ABLIM2: variants seen among roughly 807,000 people sequenced by gnomAD.
ABLIM2 encodes actin-binding LIM protein 2.
ABLIM2 carries 53 observed loss-of-function variants against 97.7 expected under a neutral mutation model. The ratio of observed to expected loss-of-function variants is 0.54; its 90% confidence interval spans 0.44 to 0.68. The LOEUF is 0.68. ABLIM2 is among the 30% of genes least tolerant of loss of function. ABLIM2 has a pLI of 0.00. For synonymous variants in ABLIM2, 361 were observed against 345.8 expected (o/e 1.04, Z -0.49); for missense variants, 835 against 867.2 (o/e 0.96, Z 0.47).
intron 5 of ABLIM2, among the ~76,000 whole-genome samples, chr4:8,078,288 G>A (rs899201209): frequency 2.0e-5 from 3 of 152,210 alleles, no homozygotes; most frequent in African/African-American, 2.4e-5. Flanking sequence ...CTGGCCTTCC[G>A]CAGTGCAGGA....
intron 20 of ABLIM2, among the ~76,000 whole-genome samples, chr4:7,975,298 A>G (rs1732068059): frequency 6.6e-6 from 1 of 152,140 alleles, no homozygotes; most frequent in African/African-American, 2.4e-5. Context: ...CTTAGTTTGA[A>G]CCTCAGCTCT....
chr4:8,080,727 C>A lies in ABLIM2; in HGVS notation c.530G>T (p.Cys177Phe). Residue 177 changes from cysteine (C) to phenylalanine (F), a missense_variant, in exon 5 of 21, where the codon TGT becomes TTT. Cys to Phe is a radical substitution (Grantham distance 205, BLOSUM62 -2). Coordinates refer to ENST00000447017, the MANE Select transcript of ABLIM2 (RefSeq NM_001130083.2). ...CTTCCCACAGCTCTTGCACTTAAAA[C>A]AGCCCAAGTGCCAGTGCTTGTCCAA... Reference protein sequence around the residue: ...VALDKHWHLGCFKCKSCGKLL... With the variant: ...VALDKHWHLGFFKCKSCGKLL... 4 of 1,612,882 alleles carry A rather than the reference C, an allele frequency of 2.5e-6. No homozygotes were observed. The highest frequency in any genetic ancestry group is 3.4e-6 in the Non-Finnish European group (4 of 1,179,058).
intron 1 of ABLIM2, among the ~76,000 whole-genome samples, chr4:8,135,671 G>A (rs116320998): frequency 3.2e-3 from 483 of 152,320 alleles, no homozygotes; most frequent in East Asian, 0.014. Context: ...ATAAGCCGCC[G>A]GGCTGTGATA....
chr4:8,040,193 G>A (rs926128503), intron 9 of ABLIM2, among the ~76,000 whole-genome samples: 1 of 152,168 alleles, frequency 6.6e-6, no homozygotes, highest in African/African-American at 2.4e-5. Flanking sequence ...GTGGGCAGCT[G>A]CAACCTGCAA....
At chr4:7,968,053 C>G (rs187106639) in intron 20 of ABLIM2, among the ~76,000 whole-genome samples, 1 of 152,238 alleles carries the variant, frequency 6.6e-6, no homozygotes, top group Non-Finnish European at 1.5e-5. Context: ...CTGGCTCAGG[C>G]GTCCCCTCCC....
chr4:8,006,774 C>T (rs545687088), intron 16 of ABLIM2, among the ~76,000 whole-genome samples: 2 of 152,328 alleles, frequency 1.3e-5, no homozygotes, highest in East Asian at 3.9e-4. Flanking sequence ...CGTGGACCAG[C>T]CCCATAGCCC....
At chr4:8,144,434 G>A (rs936731012) in intron 1 of ABLIM2, among the ~76,000 whole-genome samples, 4 of 152,212 alleles carry the variant, frequency 2.6e-5, no homozygotes, top group East Asian at 1.9e-4. Flanking sequence ...AAGGCAAGGC[G>A]TGGAGGAGAA....
chr4:8,144,898 C>T (rs1013885163), intron 1 of ABLIM2, among the ~76,000 whole-genome samples: 20 of 152,226 alleles, frequency 1.3e-4, no homozygotes, highest in African/African-American at 4.8e-4. Context: ...ACTCTTTGTT[C>T]CCTATTGGCC....
intron 1 of ABLIM2, among the ~76,000 whole-genome samples, chr4:8,136,133 T>C (rs1292838647): frequency 6.6e-6 from 1 of 151,898 alleles, no homozygotes; most frequent in Non-Finnish European, 1.5e-5. Context: ...TAAGAAGAAA[T>C]AAAATCCCGA....
chr4:8,154,414 G>T (rs1430226307), intron 1 of ABLIM2, among the ~76,000 whole-genome samples: 1 of 149,486 alleles, frequency 6.7e-6, no homozygotes, highest in East Asian at 2.0e-4. Flanking sequence ...CCTGAGTAGT[G>T]GGGATTACAG....
chr4:7,970,683 TG>T lies in ABLIM2; in HGVS notation c.1825-3581del, dbSNP rs1199461817. Among the ~76,000 whole-genome samples the T allele has an allele frequency of 6.8e-6, 1 of 148,090 alleles. No individual in the cohort carries two copies. The highest frequency in any genetic ancestry group is 2.0e-4 in the East Asian group (1 of 4,950). ...GCAGAGGTGCCCTTGGGGATGACTG[TG>T]GGGGGGCGGTGGAGGGAGCATCTGG... On this transcript the variant is annotated intron_variant, in intron 20 of 20. Coordinates refer to ENST00000447017, the MANE Select transcript of ABLIM2 (RefSeq NM_001130083.2). This position sits in a 1 kb window ranked among gnomAD's most constrained non-coding sequence, Gnocchi z 5.3.
chr4:7,984,032 C>T (rs548866960), intron 18 of ABLIM2, among the ~76,000 whole-genome samples: 1 of 151,726 alleles, frequency 6.6e-6, no homozygotes, highest in African/African-American at 2.4e-5. Flanking sequence ...AGCTCTGCCC[C>T]CTAATGTCTT....
chr4:8,050,506 C>T (rs543839961), intron 8 of ABLIM2, among the ~76,000 whole-genome samples: 1 of 152,298 alleles, frequency 6.6e-6, no homozygotes, highest in South Asian at 2.1e-4. Context: ...CAGGAGCTGG[C>T]ACAGAGGGGC....
rs1245239981 is a variant in ABLIM2 at position 8,130,461 on chromosome 4, G to A, written c.11-23824C>T. Among the ~76,000 whole-genome samples, 2 of 152,190 alleles carry A rather than the reference G, an allele frequency of 1.3e-5. No homozygotes were observed. Among genetic ancestry groups the A allele is most frequent in the African/African-American group, 2.4e-5 (1 of 41,450 alleles). On this transcript the variant is annotated intron_variant, in intron 1 of 20. Transcript: ENST00000447017. The surrounding 1 kb of genome is among the most constrained non-coding windows in gnomAD (Gnocchi z 4.2). The stretch of plus-strand genomic sequence containing the variant: ...AGGGGCTATGGCAGGGAGAGTGGAC[G>A]CCGGCGCCGGGCACTGATCTGGGCC...
intron 6 of ABLIM2, 135 bp downstream of exon 6, chr4:8,077,493 G>C: frequency 1.2e-6 from 1 of 865,502 alleles, no homozygotes; most frequent in Non-Finnish European, 1.8e-6. Context: ...CATTGGCTGA[G>C]CTGGCAGGAA....
rs1350588193 is a variant in ABLIM2 at position 8,019,917 on chromosome 4, T to C, written c.1370-246A>G. Among the ~76,000 whole-genome samples, 2 of 152,154 alleles carry C rather than the reference T, an allele frequency of 1.3e-5. No homozygotes were observed. The highest frequency in any genetic ancestry group is 4.8e-5 in the African/African-American group (2 of 41,432). On this transcript the variant is annotated intron_variant, in intron 13 of 20. Coordinates refer to ENST00000447017, the MANE Select transcript of ABLIM2 (RefSeq NM_001130083.2). This position sits in a 1 kb window ranked among gnomAD's most constrained non-coding sequence, Gnocchi z 4.3. ...GAACCTTGTGGTCCCCCGGGAAGTG[T>C]AGCCAGCTCAGACAGCCCTTTTCCT...
rs532455847 is a variant in ABLIM2, at chr4:8,088,339, G to T, written c.339-55C>A. On this transcript the variant is annotated intron_variant, in intron 3 of 20. Coordinates refer to ENST00000447017, the MANE Select transcript of ABLIM2 (RefSeq NM_001130083.2). ...GCCCACCTTCTGGCTCCTCTCTGGGGGAGCCCTGTCCCAGTGCAGGAGACC... is the reference window on the plus strand; with the variant it reads ...GCCCACCTTCTGGCTCCTCTCTGGGTGAGCCCTGTCCCAGTGCAGGAGACC... 2.7e-6 allele frequency: 4 copies of T among 1,463,450 alleles called. No homozygotes were observed. In the East Asian group the frequency reaches 7.0e-5, roughly 26 times the overall value. The allele number at this position is 1,463,450 out of a possible 1,614,324, so 90.7% of individuals were successfully genotyped here.
chr4:8,082,171 A>C lies in ABLIM2; in HGVS notation c.455-1369T>G, dbSNP rs1193894298. On this transcript the variant is annotated intron_variant, in intron 4 of 20. Coordinates refer to ENST00000447017, the MANE Select transcript of ABLIM2 (RefSeq NM_001130083.2). This position sits in a 1 kb window ranked among gnomAD's most constrained non-coding sequence, Gnocchi z 5.6. ...CTGCAGGAGCCCCTGAGTAATTCAC[A>C]GACCAAGCAGGGACCCCTCGTGCCC... Among the ~76,000 whole-genome samples the C allele has an allele frequency of 1.3e-5, 2 of 152,124 alleles. No individual in the cohort carries two copies. Among genetic ancestry groups the C allele is most frequent in the African/African-American group, 2.4e-5 (1 of 41,426 alleles).
In ABLIM2 at chr4:8,071,490, G is replaced by C. The variant is rs966275078; in HGVS notation, c.675+6138C>G. On this transcript the variant is annotated intron_variant, in intron 6 of 20. Coordinates refer to ENST00000447017, the MANE Select transcript of ABLIM2 (RefSeq NM_001130083.2). The surrounding 1 kb of genome is among the most constrained non-coding windows in gnomAD (Gnocchi z 6.2). Reference sequence around the variant, plus strand: ...TCGCGGGCAGGCGGGCACTGCGGGCGCCAGCACTTAGGATGGCACCATGCC... The same window carrying C: ...TCGCGGGCAGGCGGGCACTGCGGGCCCCAGCACTTAGGATGGCACCATGCC... Among the ~76,000 whole-genome samples the C allele has an allele frequency of 6.6e-6, 1 of 152,206 alleles. No homozygotes were observed. The highest frequency in any genetic ancestry group is 6.5e-5 in the Admixed American group (1 of 15,282).
Sources: gnomAD v4.1 joint callset for allele counts (sites outside exome capture counted in the v4.1 genomes callset) on GRCh38, gnomAD v4.1.1 for gene constraint, Gnocchi (gnomAD v3.1) non-coding constraint, MANE v1.5 for transcripts, NCBI Gene and HGNC (gene_info 2026-07-23, HGNC 2026-07-21) for gene names.